Variants in SCAPER observed in about 807,000 individuals in gnomAD.
The protein encoded by SCAPER is S-phase cyclin A associated protein in the ER.
SCAPER carries 98 observed loss-of-function variants against 182.2 expected under a neutral mutation model. The observed-to-expected ratio is 0.54, with a 90% CI of 0.46 to 0.64. SCAPER has a LOEUF of 0.64. SCAPER is among the 30% of genes least tolerant of loss of function. The pLI, the probability that SCAPER is intolerant of heterozygous loss-of-function variation, is 0.00. For synonymous variants in SCAPER, 605 were observed against 564.6 expected, an observed-to-expected ratio of 1.07 and a Z score of -1.01; for missense variants, 1,432 against 1,690.0, an observed-to-expected ratio of 0.85 and a Z score of 2.68.
At chr15:76,677,676 C>T (rs2057445427) in intron 20 of SCAPER, among the ~76,000 whole-genome samples, 1 of 150,880 alleles carries the variant, frequency 6.6e-6, no homozygotes, top group East Asian at 1.9e-4. Flanking sequence ...CGTATGCAGA[C>T]ATGATCTCAT....
At chr15:76,519,996 T>C (rs909173956) in intron 23 of SCAPER, among the ~76,000 whole-genome samples, 27 of 152,200 alleles carry the variant, frequency 1.8e-4, no homozygotes, top group African/African-American at 6.5e-4. Flanking sequence ...AAAATTGTAC[T>C]ACAGTATAGT....
intron 5 of SCAPER, among the ~76,000 whole-genome samples, chr15:76,820,946 A>C (rs955633170): frequency 1.3e-5 from 2 of 152,212 alleles, no homozygotes; most frequent in African/African-American, 4.8e-5. Flanking sequence ...CTCCTATTAG[A>C]ATGACCAAAA....
chr15:76,499,881 G>A (rs2040939418), intron 24 of SCAPER, among the ~76,000 whole-genome samples: 3 of 152,194 alleles, frequency 2.0e-5, no homozygotes, highest in African/African-American at 7.2e-5. Flanking sequence ...AAAATTAATA[G>A]ATTATGGCTT....
At chr15:76,584,777 C>A (rs2145566682) in intron 22 of SCAPER, among the ~76,000 whole-genome samples, 1 of 152,240 alleles carries the variant, frequency 6.6e-6, no homozygotes, top group East Asian at 1.9e-4. Context: ...TTCTTGAACT[C>A]CTGGGCTCAA....
chr15:76,601,395 G>C (rs1230533203), intron 22 of SCAPER, among the ~76,000 whole-genome samples: 1 of 121,536 alleles, frequency 8.2e-6, no homozygotes, highest in African/African-American at 2.5e-5. Context: ...CATTTTTACT[G>C]TATCTTTCCT....
chr15:76,546,797 T>C (rs2045331801), intron 23 of SCAPER, among the ~76,000 whole-genome samples: 1 of 152,152 alleles, frequency 6.6e-6, no homozygotes, highest in Non-Finnish European at 1.5e-5. Context: ...ATTTGTCTTG[T>C]TTATCATCAT....
At chr15:76,537,983 C>A (rs1010367904) in intron 23 of SCAPER, among the ~76,000 whole-genome samples, 1 of 151,890 alleles carries the variant, frequency 6.6e-6, no homozygotes, top group Admixed American at 6.6e-5. Flanking sequence ...CATCACTGGC[C>A]ATCAGAGAAA....
rs368715930 is a variant in SCAPER at position 76,381,343 on chromosome 15, A to C, written c.3705+35T>G. The C allele has an allele frequency of 2.6e-6, 4 of 1,555,504 alleles. No homozygotes were observed. In the African/African-American group the frequency reaches 5.4e-5, roughly 21 times the overall value. On this transcript the variant is annotated intron_variant, in intron 28 of 31. Coordinates refer to ENST00000563290, the MANE Select transcript of SCAPER (RefSeq NM_020843.4). ...ATCTACACTAAAATACTAACTCTTG[A>C]TTGGTTAACATCGATATAAACCAAT...
At chr15:76,545,714 C>A (rs1184101265) in intron 23 of SCAPER, among the ~76,000 whole-genome samples, 1 of 152,012 alleles carries the variant, frequency 6.6e-6, no homozygotes, top group African/African-American at 2.4e-5. Flanking sequence ...GAAGGAGATG[C>A]AAAGGACAGT....
chr15:76,495,993 GACACACACACACAC>G (rs971206080), intron 24 of SCAPER, among the ~76,000 whole-genome samples: 4 of 58,462 alleles, frequency 6.8e-5, no homozygotes, highest in African/African-American at 2.3e-4. Flanking sequence ...AAAAGAGAGA[GACACACACACACAC>G]ACACACACAC....
At chr15:76,565,317 C>G (rs1183113451) in intron 23 of SCAPER, among the ~76,000 whole-genome samples, 2 of 151,634 alleles carry the variant, frequency 1.3e-5, no homozygotes, top group African/African-American at 4.8e-5. Context: ...TAATAAGGAA[C>G]TTAAATTTAC....
At chr15:76,548,336 C>T (rs557392394) in intron 23 of SCAPER, among the ~76,000 whole-genome samples, 1 of 152,078 alleles carries the variant, frequency 6.6e-6, no homozygotes, top group Non-Finnish European at 1.5e-5. Context: ...AACAACTGTT[C>T]AAGAATGATG....
intron 5 of SCAPER, among the ~76,000 whole-genome samples, chr15:76,836,402 A>T (rs1428209867): frequency 6.6e-6 from 1 of 152,188 alleles, no homozygotes; most frequent in Non-Finnish European, 1.5e-5. Context: ...GGAACCCAGA[A>T]ATAAAGCCAC....
intron 17 of SCAPER, among the ~76,000 whole-genome samples, chr15:76,721,238 A>T (rs879933606): frequency 4.6e-5 from 7 of 152,052 alleles, no homozygotes; most frequent in Non-Finnish European, 8.8e-5. Context: ...GTAGTTGTAG[A>T]TATGCGGCAT....
chr15:76,820,318 A>G (rs2067433518), intron 5 of SCAPER, among the ~76,000 whole-genome samples: 1 of 152,154 alleles, frequency 6.6e-6, no homozygotes, highest in East Asian at 1.9e-4. Context: ...TATTCACAAT[A>G]GCAAAGACTT....
chr15:76,539,317 T>G (rs780363523), intron 23 of SCAPER, among the ~76,000 whole-genome samples: 3 of 152,154 alleles, frequency 2.0e-5, no homozygotes, highest in African/African-American at 7.2e-5. Flanking sequence ...TAAACCTAAA[T>G]AGAACTCCCA....
At chr15:76,873,727 A>T (rs2072952367) in intron 2 of SCAPER, among the ~76,000 whole-genome samples, 1 of 152,182 alleles carries the variant, frequency 6.6e-6, no homozygotes, top group Non-Finnish European at 1.5e-5. Context: ...AGAACCCAGC[A>T]GTCAACAATG....
At chr15:76,781,888 G>C (rs1156306632) in intron 8 of SCAPER, among the ~76,000 whole-genome samples, 1 of 151,928 alleles carries the variant, frequency 6.6e-6, no homozygotes, top group Non-Finnish European at 1.5e-5. Context: ...CCTGAAGGAA[G>C]AACTAAACAT....
chr15:76,841,939 A>G lies in SCAPER; in HGVS notation c.196-8T>C. On this transcript the variant is annotated splice_polypyrimidine_tract_variant and splice_region_variant and intron_variant, in intron 4 of 31. Coordinates refer to ENST00000563290, the MANE Select transcript of SCAPER (RefSeq NM_020843.4). ...ACAGTCCACTGCAGTACTCTGGTGA[A>G]GTAAAATAAAACATGAAAATAAATA... 2.5e-6 allele frequency: 4 copies of G among 1,598,054 alleles called. No homozygotes were observed. The highest frequency in any genetic ancestry group is 3.4e-6 in the Non-Finnish European group (4 of 1,174,440).
Sources: allele counts gnomAD v4.1 joint callset (sites outside exome capture counted in the v4.1 genomes callset), GRCh38; gene constraint gnomAD v4.1.1; transcripts MANE v1.5; gene names NCBI Gene and HGNC (gene_info 2026-07-23, HGNC 2026-07-21).